The following LSG1 variants were observed in gnomAD, a reference collection of about 807,000 sequenced individuals.
LSG1 encodes large 60S subunit nuclear export GTPase 1.
A neutral mutation model predicts 82.6 loss-of-function variants in LSG1; 55 were observed. The observed-to-expected ratio is 0.67, with a 90% CI of 0.54 to 0.83. The LOEUF (loss-of-function observed/expected upper bound fraction) is 0.83. Among genes scored for constraint, LSG1 ranks in the 40% least tolerant of loss-of-function variants. LSG1 has a pLI of 0.00. For missense variants in LSG1, 809 were observed against 807.9 expected (o/e 1.00, Z -0.02); for synonymous variants, 272 against 282.5 (o/e 0.96, Z 0.37).
chr3:194,644,538 T>G (rs779510180), intron 13 of LSG1, 35 bp downstream of exon 13: 2 of 1,548,872 alleles, frequency 1.3e-6, no homozygotes, highest in Non-Finnish European at 1.8e-6. Flanking sequence ...AAAAGAGTGT[T>G]GGATCAGAAG....
At chr3:194,648,614 ATTC>A in intron 11 of LSG1, 64 bp downstream of exon 11, 1 of 1,472,642 alleles carries the variant, frequency 6.8e-7, no homozygotes, top group Non-Finnish European at 9.4e-7. Flanking sequence ...TACTATTACT[ATTC>A]TTATTTCTAT....
rs920272643 is a variant in LSG1, at chr3:194,650,125, G to A, written c.1419+756C>T. ...AGTAGAGACAGGGTTTCGCCATGTT[G>A]GCCAGGCTGGTCTCAAAACCTGGCC... On this transcript the variant is annotated intron_variant, in intron 10 of 13. Coordinates refer to ENST00000265245, the MANE Select transcript of LSG1 (RefSeq NM_018385.3). Among the ~76,000 whole-genome samples the A allele has an allele frequency of 3.3e-5, 5 of 152,048 alleles. No individual in the cohort carries two copies. The South Asian group carries it at 8.3e-4, about 25-fold the overall frequency.
chr3:194,654,551 A>G (rs1718753516), intron 7 of LSG1, among the ~76,000 whole-genome samples: 1 of 152,226 alleles, frequency 6.6e-6, no homozygotes, highest in South Asian at 2.1e-4. Flanking sequence ...CTGGCTTATG[A>G]GAGAAATATA....
At position 194,641,486 on chromosome 3, in the gene LSG1, C is replaced by G. The variant is rs539817792; in HGVS notation, c.*582G>C. 6.6e-6 allele frequency: 1 copy of G among 152,208 alleles called. No individual in the cohort carries two copies. The highest frequency in any genetic ancestry group is 2.4e-5 in the African/African-American group (1 of 41,446). The allele number at this position is 152,208 out of a possible 1,614,324, so 9.4% of individuals were successfully genotyped here. ...TACATTCTACATGTTCCTTAGTGGACGTGAGCCCCCGCTGTACACTAACTG... is the reference window on the plus strand; with the variant it reads ...TACATTCTACATGTTCCTTAGTGGAGGTGAGCCCCCGCTGTACACTAACTG... On this transcript the variant is annotated 3_prime_UTR_variant, in exon 14 of 14. Transcript: ENST00000265245.
At chr3:194,654,240 C>T (rs1718746466) in intron 7 of LSG1, among the ~76,000 whole-genome samples, 1 of 152,040 alleles carries the variant, frequency 6.6e-6, no homozygotes, top group Non-Finnish European at 1.5e-5. Flanking sequence ...AAATTATTTA[C>T]TGATGAAAGA....
intron 13 of LSG1, among the ~76,000 whole-genome samples, chr3:194,642,797 C>T (rs1326977129): frequency 6.6e-6 from 1 of 152,302 alleles, no homozygotes; most frequent in East Asian, 1.9e-4. Flanking sequence ...CAAGAATAAA[C>T]TTGCAATCTT....
At chr3:194,659,917 T>C (rs1718888870) in intron 6 of LSG1, among the ~76,000 whole-genome samples, 156 bp downstream of exon 6, 1 of 152,190 alleles carries the variant, frequency 6.6e-6, no homozygotes. Context: ...GTCTCAACAG[T>C]GGCGTTCTGC....
chr3:194,651,348 G>A (rs1718670799), intron 8 of LSG1, 132 bp from the exon 9 acceptor site: 2 of 659,294 alleles, frequency 3.0e-6, no homozygotes, highest in African/African-American at 3.6e-5. Context: ...AATCCATGCT[G>A]TGTTTGTTGA....
At chr3:194,645,589 C>CACACACAGACAG (rs1560219897) in intron 12 of LSG1, among the ~76,000 whole-genome samples, 2 of 93,254 alleles carry the variant, frequency 2.1e-5, no homozygotes, top group African/African-American at 9.9e-5. Context: ...CACACACACA[C>CACACACAGACAG]ACACACACAC....
chr3:194,641,961 G>A lies in LSG1; in HGVS notation c.*107C>T, dbSNP rs1029490303. 2.4e-5 allele frequency: 30 copies of A among 1,225,002 alleles called. No individual in the cohort carries two copies. In the Admixed American group the frequency reaches 4.5e-4, roughly 19 times the overall value. The allele number at this position is 1,225,002 out of a possible 1,614,324, so 75.9% of individuals were successfully genotyped here. On this transcript the variant is annotated 3_prime_UTR_variant, in exon 14 of 14. Coordinates refer to ENST00000265245, the MANE Select transcript of LSG1 (RefSeq NM_018385.3). The stretch of plus-strand genomic sequence containing the variant: ...GTGCAGCCGTGCTCTGCAAGAGCAG[G>A]GCCCGTTCTACAGTGCTAGTGTCTT...
In LSG1 at chr3:194,658,979, A is replaced by G. The variant is rs147785317; in HGVS notation, c.737T>C (p.Ile246Thr). ...VIFWSALAGA[I>T]PLNGDSEEEA... ...TACCTCAGAGTCACCATTCAGGGGA[A>G]TGGCTCCGGCCAAAGCTGACCAGAA... is the stretch of plus-strand genomic sequence containing the variant. The change falls in exon 7 of 14, where the codon ATT becomes ACT. Residue 246 changes from isoleucine to threonine, a missense_variant. Physicochemically the swap from Ile to Thr is moderately conservative, Grantham distance 89. Transcript: ENST00000265245. The G allele has an allele frequency of 2.8e-4, 444 of 1,613,932 alleles. 2 individuals carry two copies. The highest frequency in any genetic ancestry group is 3.3e-4 in the Non-Finnish European group (394 of 1,179,936).
intron 7 of LSG1, among the ~76,000 whole-genome samples, chr3:194,655,263 T>C (rs1718768173): frequency 6.6e-6 from 1 of 152,188 alleles, no homozygotes; most frequent in Non-Finnish European, 1.5e-5. Flanking sequence ...GTGAGTTCCC[T>C]GAAAACTGAT....
rs1718403453 is a variant in LSG1 at position 194,642,024 on chromosome 3, T to C, written c.*44A>G. On this transcript the variant is annotated 3_prime_UTR_variant, in exon 14 of 14. Coordinates refer to ENST00000265245, the MANE Select transcript of LSG1 (RefSeq NM_018385.3). ...CAGGCAACAGGCAGCTTCTGCTCTT[T>C]TCCATCTGCACAATGCAGATGACAT... 1 of 1,592,738 alleles carries C rather than the reference T, an allele frequency of 6.3e-7. No individual in the cohort carries two copies. The highest frequency in any genetic ancestry group is 8.6e-7 in the Non-Finnish European group (1 of 1,169,028).
chr3:194,647,513 G>A (rs1037200174), intron 11 of LSG1, among the ~76,000 whole-genome samples: 1 of 152,172 alleles, frequency 6.6e-6, no homozygotes, highest in African/African-American at 2.4e-5. Flanking sequence ...TACTGTCAGA[G>A]ATTTTCTTCT....
At chr3:194,652,619 G>A in intron 8 of LSG1, 110 bp downstream of exon 8, 1 of 1,201,754 alleles carries the variant, frequency 8.3e-7, no homozygotes, top group Non-Finnish European at 1.2e-6. Context: ...AGAGGGCAAT[G>A]TTCCCTACGA....
intron 11 of LSG1, 44 bp downstream of exon 11, chr3:194,648,637 A>C: frequency 6.3e-7 from 1 of 1,597,122 alleles, no homozygotes; most frequent in Non-Finnish European, 8.6e-7. Flanking sequence ...TTCATTAGGT[A>C]TACTGTTACT....
At chr3:194,667,056 GCTTT>G (rs61440069) in intron 2 of LSG1, among the ~76,000 whole-genome samples, 12,305 of 151,656 alleles carry the variant, frequency 0.081, 564 homozygotes, top group African/African-American at 0.12. Flanking sequence ...CTGTAAACTT[GCTTT>G]CTTTGTCTTC....
chr3:194,642,133 T>G lies in LSG1; in HGVS notation c.1912A>C (p.Lys638Gln), dbSNP rs1490138388. The G allele has an allele frequency of 6.2e-7, 1 of 1,613,928 alleles. No homozygotes were observed. The highest frequency in any genetic ancestry group is 1.3e-5 in the African/African-American group (1 of 75,044). The change falls in exon 14 of 14, where the codon AAA (lysine) becomes CAA (glutamine). Residue 638 changes from lysine to glutamine, a missense_variant. By Grantham distance (53) the Lys-to-Gln change is moderately conservative. Coordinates refer to ENST00000265245, the MANE Select transcript of LSG1 (RefSeq NM_018385.3). ...TTTTTATTTCTGTTGCCATGTTTTTTCCAGGGCTTCCCCGCCCCGTTCTCA... is the reference window on the plus strand; with the variant it reads ...TTTTTATTTCTGTTGCCATGTTTTTGCCAGGGCTTCCCCGCCCCGTTCTCA... ...SSENGAGKPW[K>Q]KHGNRNKKEK...
chr3:194,671,905 G>GCT, intron 1 of LSG1, 159 bp downstream of exon 1: 1 of 692,538 alleles, frequency 1.4e-6, no homozygotes, highest in South Asian at 1.5e-5. Flanking sequence ...GGCCTTGCCA[G>GCT]GAGGAGGGCC....
Sources: allele counts gnomAD v4.1 joint callset (sites outside exome capture counted in the v4.1 genomes callset), GRCh38; gene constraint gnomAD v4.1.1; transcripts MANE v1.5; gene names NCBI Gene and HGNC (gene_info 2026-07-23, HGNC 2026-07-21).